Variants in NRG1 observed in about 807,000 individuals in gnomAD.
NRG1 encodes the protein pro-neuregulin-1, membrane-bound isoform.
A neutral mutation model predicts 63.8 loss-of-function variants in NRG1; 18 were observed. The observed-to-expected ratio is 0.28, with a 90% CI of 0.19 to 0.42. NRG1 has a LOEUF of 0.42. Among genes scored for constraint, NRG1 ranks in the 10% least tolerant of loss-of-function variants. The pLI is 1.00. For synonymous variants in NRG1, 302 were observed against 301.3 expected, an observed-to-expected ratio of 1.00 and a Z score of -0.02; for missense variants, 762 against 814.7, an observed-to-expected ratio of 0.94 and a Z score of 0.79.
At chr8:32,753,285 A>T (rs1342703907) in intron 7 of NRG1, among the ~76,000 whole-genome samples, 1 of 152,192 alleles carries the variant, frequency 6.6e-6, no homozygotes, top group Non-Finnish European at 1.5e-5. Flanking sequence ...GTCCTTAGGG[A>T]TCAGAGTCCC....
intron 1 of NRG1, among the ~76,000 whole-genome samples, chr8:32,129,284 G>C (rs551324426): frequency 1.3e-5 from 2 of 151,898 alleles, no homozygotes; most frequent in African/African-American, 2.4e-5. Flanking sequence ...TTATCCTGTC[G>C]TACTTCTAGA....
At chr8:32,556,702 A>T (rs1835234428) in intron 1 of NRG1, among the ~76,000 whole-genome samples, 1 of 152,228 alleles carries the variant, frequency 6.6e-6, no homozygotes. Context: ...TCATTATTAG[A>T]TGGCCTATTT....
chr8:32,507,709 C>A (rs1250163795), intron 1 of NRG1, among the ~76,000 whole-genome samples: 1 of 152,064 alleles, frequency 6.6e-6, no homozygotes, highest in Non-Finnish European at 1.5e-5. Context: ...AATCTTTGCC[C>A]AAATGAGTGA....
chr8:32,047,961 GC>G (rs1821281568), intron 1 of NRG1, among the ~76,000 whole-genome samples: 1 of 151,850 alleles, frequency 6.6e-6, no homozygotes, highest in African/African-American at 2.4e-5. Context: ...TATGAGATCA[GC>G]TTTTTTAGAT....
At chr8:32,589,887 A>G (rs1224129489) in intron 1 of NRG1, among the ~76,000 whole-genome samples, 1 of 152,224 alleles carries the variant, frequency 6.6e-6, no homozygotes, top group Non-Finnish European at 1.5e-5. Context: ...TTAAATTATT[A>G]GAATAAATGA....
At chr8:32,469,240 GGAAA>G (rs1350837389) in intron 1 of NRG1, among the ~76,000 whole-genome samples, 2 of 152,120 alleles carry the variant, frequency 1.3e-5, no homozygotes, top group Admixed American at 1.3e-4. Context: ...ACAAAGACAT[GGAAA>G]GAGAGATGTT....
intron 1 of NRG1, among the ~76,000 whole-genome samples, chr8:32,145,796 G>C (rs1225858608): frequency 6.6e-6 from 1 of 152,178 alleles, no homozygotes; most frequent in Non-Finnish European, 1.5e-5. Flanking sequence ...CAGTTGTTTT[G>C]ATGTGTTTTC....
rs375491432 is a variant in NRG1, at chr8:32,423,538, G to A, written c.38-172290G>A. Among the ~76,000 whole-genome samples, 44 of 152,200 alleles carry A rather than the reference G, an allele frequency of 2.9e-4. 1 individual carries two copies. The highest frequency in any genetic ancestry group is 1.9e-3 in the East Asian group (10 of 5,164). On this transcript the variant is annotated intron_variant, in intron 1 of 10. Coordinates refer to the NRG1 transcript ENST00000519301. ...CTCTCGCCAGTGGTCCCAGCTACCC[G>A]AGAAGCTAAGGTGGGAGGATTGCTT...
chr8:32,304,552 T>G (rs1024581395), intron 1 of NRG1, among the ~76,000 whole-genome samples: 12 of 152,200 alleles, frequency 7.9e-5, no homozygotes, highest in Admixed American at 2.0e-4. Context: ...TATTTGATGA[T>G]TTTTGACTTT....
rs1848371437 is a variant in NRG1 at position 32,243,937 on chromosome 8, G to A, written c.38-351891G>A. On this transcript the variant is annotated intron_variant, in intron 1 of 10. Transcript: ENST00000519301. The stretch of plus-strand genomic sequence containing the variant: ...CAAGTCTTCCTGCACATTGATCCTC[G>A]ATTTCTCAGGTTTTGGAACTGCAGG... Among the ~76,000 whole-genome samples, 6 of 152,186 alleles carry A rather than the reference G, an allele frequency of 3.9e-5. No homozygotes were observed. In the South Asian group the frequency reaches 1.2e-3, roughly 32 times the overall value.
intron 1 of NRG1, among the ~76,000 whole-genome samples, chr8:32,246,723 A>G (rs1691659116): frequency 6.6e-6 from 1 of 152,176 alleles, no homozygotes; most frequent in East Asian, 1.9e-4. Context: ...ATAGGCACAG[A>G]AAAACAAAGA....
intron 1 of NRG1, among the ~76,000 whole-genome samples, chr8:32,140,449 G>T (rs1423383211): frequency 1.3e-5 from 2 of 151,092 alleles, no homozygotes; most frequent in African/African-American, 2.4e-5. Flanking sequence ...CTGCTGAAAT[G>T]CTTTTCTTCT....
chr8:31,798,101 A>G lies in NRG1; in HGVS notation c.37+158670A>G, dbSNP rs186097047. ...AGAGGAGAGGTTAAGAGGTTGGTGC[A>G]GGGTTATAGCTGGGCAAGAAGAATA... On this transcript the variant is annotated intron_variant, in intron 1 of 10. Transcript: ENST00000519301. Among the ~76,000 whole-genome samples the G allele has an allele frequency of 4.3e-4, 65 of 152,274 alleles. No individual in the cohort carries two copies. In the Middle Eastern group the frequency reaches 0.014, roughly 32 times the overall value.
Position 31,888,909 on chromosome 8 carries a change from T to G in NRG1, c.37+249478T>G, listed in dbSNP as rs890705255. The stretch of plus-strand genomic sequence containing the variant: ...TTGAATAAGGCATATTAGAAAACCC[T>G]AAAGCTCTGTATTTACACAAAGGAG... On this transcript the variant is annotated intron_variant, in intron 1 of 10. Coordinates refer to the NRG1 transcript ENST00000519301. Among the ~76,000 whole-genome samples, 8 of 152,118 alleles carry G rather than the reference T, an allele frequency of 5.3e-5. No individual in the cohort carries two copies. The East Asian group carries it at 9.6e-4, about 18-fold the overall frequency.
In NRG1 at chr8:32,344,354, C is replaced by CTT. The variant is rs779716648; in HGVS notation, c.38-251472_38-251471dup. Among the ~76,000 whole-genome samples, 99 of 36,418 alleles carry CTT rather than the reference C, an allele frequency of 2.7e-3. 4 individuals are homozygous for CTT. In the East Asian group the frequency reaches 0.079, roughly 29 times the overall value. The allele number at this position is 36,418 out of a possible 152,430, so 23.9% of individuals were successfully genotyped here. ...TCTTTCTTTCTTTCTTTCTTTCTTT[C>CTT]TTTCTTTCTTTCTTTCTTTCTTTCT... On this transcript the variant is annotated intron_variant, in intron 1 of 10. Coordinates refer to the NRG1 transcript ENST00000519301.
At chr8:32,218,445 T>C (rs1463308776) in intron 1 of NRG1, among the ~76,000 whole-genome samples, 1 of 152,230 alleles carries the variant, frequency 6.6e-6, no homozygotes, top group Non-Finnish European at 1.5e-5. Context: ...CTGGGGCTGA[T>C]CCATTCATGA....
chr8:32,704,551 A>G (rs1030476601), intron 5 of NRG1, among the ~76,000 whole-genome samples: 2 of 152,226 alleles, frequency 1.3e-5, no homozygotes, highest in Non-Finnish European at 2.9e-5. Context: ...GGCATAGTTA[A>G]AAATCTGTAT....
intron 1 of NRG1, among the ~76,000 whole-genome samples, chr8:32,096,309 A>G (rs948974796): frequency 2.0e-5 from 3 of 152,236 alleles, no homozygotes; most frequent in Non-Finnish European, 4.4e-5. Flanking sequence ...TTGATACATA[A>G]TAACTATACA....
At chr8:32,249,865 A>G (rs1848924228) in intron 1 of NRG1, among the ~76,000 whole-genome samples, 1 of 152,092 alleles carries the variant, frequency 6.6e-6, no homozygotes, top group African/African-American at 2.4e-5. Flanking sequence ...CAAAATGGAG[A>G]ACATTGATTT....
Sources: gnomAD v4.1 joint callset for allele counts (sites outside exome capture counted in the v4.1 genomes callset) on GRCh38, gnomAD v4.1.1 for gene constraint, MANE v1.5 for transcripts, NCBI Gene and HGNC (gene_info 2026-07-23, HGNC 2026-07-21) for gene names.